INPP4B: variants seen among roughly 807,000 people sequenced by gnomAD.
INPP4B encodes inositol polyphosphate 4-phosphatase type II.
A neutral mutation model predicts 122.5 loss-of-function variants in INPP4B; 55 were observed. The ratio of observed to expected loss-of-function variants is 0.45; its 90% CI spans 0.36 to 0.56. INPP4B has a LOEUF of 0.56. INPP4B is among the 20% of genes least tolerant of loss of function. INPP4B has a pLI of 0.00. For synonymous variants in INPP4B, 403 were observed against 388.7 expected, an observed-to-expected ratio of 1.04 and a Z score of -0.43; for missense variants, 1,000 against 1,097.7, an observed-to-expected ratio of 0.91 and a Z score of 1.26.
chr4:142,387,352 T>C (rs1796276797), intron 7 of INPP4B, among the ~76,000 whole-genome samples: 1 of 151,922 alleles, frequency 6.6e-6, no homozygotes, highest in Non-Finnish European at 1.5e-5. Flanking sequence ...TTTCTAAAAA[T>C]CTCATTTCTT....
Position 142,209,001 on chromosome 4 carries a change from C to A in INPP4B, c.862G>T (p.Glu288Ter). 6.2e-7 allele frequency: 1 copy of A among 1,603,126 alleles called. No homozygotes were observed. The highest frequency in any genetic ancestry group is 8.5e-7 in the Non-Finnish European group (1 of 1,173,146). ...AGATTGTCCCAATGTGGAGAAAGCT[C>A]ACCAAGTTCTTTTATCTCCTGGTTT... ...CRNQEIKELG[E>*]LSPHWDNLRK... Residue 288 changes from glutamate to a stop codon, truncating the protein, a stop_gained, in exon 13 of 26, where the codon GAG becomes TAG. Coordinates refer to ENST00000262992, the MANE Select transcript of INPP4B (RefSeq NM_001101669.3). LOFTEE classifies it high-confidence loss of function.
At chr4:142,533,587 CATA>C (rs1560767233) in intron 2 of INPP4B, among the ~76,000 whole-genome samples, 1 of 152,060 alleles carries the variant, frequency 6.6e-6, no homozygotes, top group East Asian at 1.9e-4. Flanking sequence ...AATTACTCAT[CATA>C]ATTACTGTAT....
intron 7 of INPP4B, among the ~76,000 whole-genome samples, chr4:142,334,330 C>G (rs929672420): frequency 1.3e-5 from 2 of 152,082 alleles, no homozygotes; most frequent in Non-Finnish European, 2.9e-5. Context: ...CTCACAATTT[C>G]CTTATTAATT....
intron 23 of INPP4B, among the ~76,000 whole-genome samples, chr4:142,091,458 G>A (rs1303847853): frequency 2.6e-5 from 4 of 152,170 alleles, no homozygotes; most frequent in Non-Finnish European, 4.4e-5. Context: ...TAAATTCTGT[G>A]TCACCTCTGA....
chr4:142,638,558 T>C (rs1435448885), intron 2 of INPP4B, among the ~76,000 whole-genome samples: 1 of 150,784 alleles, frequency 6.6e-6, no homozygotes, highest in Non-Finnish European at 1.5e-5. Flanking sequence ...TTTTTTTTTT[T>C]TTTGAGATGG....
At chr4:142,094,002 G>A (rs1239789320) in intron 23 of INPP4B, among the ~76,000 whole-genome samples, 1 of 152,110 alleles carries the variant, frequency 6.6e-6, no homozygotes, top group Non-Finnish European at 1.5e-5. Context: ...CATGGAATAT[G>A]GTGTTCAGGG....
intron 9 of INPP4B, among the ~76,000 whole-genome samples, chr4:142,275,647 G>C (rs535455869): frequency 6.6e-6 from 1 of 151,944 alleles, no homozygotes; most frequent in South Asian, 2.1e-4. Context: ...ATTTAAGTAT[G>C]TATAACTAAA....
At chr4:142,622,827 A>T (rs1206697794) in intron 2 of INPP4B, among the ~76,000 whole-genome samples, 2 of 151,968 alleles carry the variant, frequency 1.3e-5, no homozygotes, top group Non-Finnish European at 2.9e-5. Flanking sequence ...TACTACAGAA[A>T]TTTTTTGGAA....
At chr4:142,717,388 A>G (rs1240060378) in intron 2 of INPP4B, among the ~76,000 whole-genome samples, 1 of 152,190 alleles carries the variant, frequency 6.6e-6, no homozygotes, top group East Asian at 1.9e-4. Flanking sequence ...TTTGCAGAAG[A>G]AGGCAATATT....
chr4:142,185,472 C>G (rs1832754443), intron 15 of INPP4B, among the ~76,000 whole-genome samples: 1 of 151,660 alleles, frequency 6.6e-6, no homozygotes, highest in South Asian at 2.1e-4. Context: ...ACTCAGTACT[C>G]AAGACTGAAT....
intron 10 of INPP4B, among the ~76,000 whole-genome samples, chr4:142,263,680 A>ATATATATATG (rs61694410): frequency 0.045 from 3,663 of 81,780 alleles, 826 homozygotes; most frequent in East Asian, 0.085. Flanking sequence ...ATATATATAT[A>ATATATATATG]ACATTGAACA....
intron 2 of INPP4B, among the ~76,000 whole-genome samples, chr4:142,699,458 A>C (rs768240663): frequency 1.5e-4 from 23 of 152,248 alleles, no homozygotes; most frequent in Middle Eastern, 3.4e-3. Flanking sequence ...GTAATCACAG[A>C]GCTTGGTAAA....
At chr4:142,763,909 A>T (rs567100985) in intron 1 of INPP4B, among the ~76,000 whole-genome samples, 1 of 152,304 alleles carries the variant, frequency 6.6e-6, no homozygotes, top group African/African-American at 2.4e-5. Context: ...TGAAACAGAA[A>T]GGAAATTCTA....
chr4:142,310,466 T>C (rs1765095348), intron 8 of INPP4B, among the ~76,000 whole-genome samples: 1 of 152,168 alleles, frequency 6.6e-6, no homozygotes, highest in Non-Finnish European at 1.5e-5. Context: ...CGGCATGCAT[T>C]TTGTGACATA....
chr4:142,248,686 G>A (rs1730379787), intron 11 of INPP4B, among the ~76,000 whole-genome samples: 1 of 151,468 alleles, frequency 6.6e-6, no homozygotes. Context: ...ATGTGTTTAG[G>A]CTTAGGAGTC....
intron 1 of INPP4B, among the ~76,000 whole-genome samples, chr4:142,782,470 T>C (rs1775014728): frequency 6.6e-6 from 1 of 151,940 alleles, no homozygotes; most frequent in East Asian, 1.9e-4. Context: ...TATAGCAGCA[T>C]GATTTGTAGT....
At chr4:142,507,039 T>C (rs1047011496) in intron 2 of INPP4B, among the ~76,000 whole-genome samples, 2 of 152,230 alleles carry the variant, frequency 1.3e-5, no homozygotes, top group African/African-American at 4.8e-5. Flanking sequence ...TTTGAAATTC[T>C]TCCCAGCATT....
chr4:142,387,201 C>G (rs1279610990), intron 7 of INPP4B, among the ~76,000 whole-genome samples: 3 of 151,954 alleles, frequency 2.0e-5, no homozygotes, highest in Admixed American at 2.0e-4. Context: ...AAAAATTTGT[C>G]CATTAAAAAT....
At chr4:142,227,708 A>C (rs908943881) in intron 12 of INPP4B, among the ~76,000 whole-genome samples, 2 of 151,498 alleles carry the variant, frequency 1.3e-5, no homozygotes, top group Non-Finnish European at 2.9e-5. Flanking sequence ...TAAAACAAAA[A>C]TTAGCTGGGC....
Sources: gnomAD v4.1 joint callset for allele counts (sites outside exome capture counted in the v4.1 genomes callset) on GRCh38, gnomAD v4.1.1 for gene constraint, MANE v1.5 for transcripts, NCBI Gene and HGNC (gene_info 2026-07-23, HGNC 2026-07-21) for gene names.